Variants in NCAN observed in about 807,000 individuals in gnomAD.
NCAN encodes neurocan.
In NCAN, 47 loss-of-function variants were observed where a neutral mutation model predicts 121.8. The observed-to-expected ratio is 0.39, with a 90% CI of 0.31 to 0.49. NCAN has a LOEUF of 0.49. Among genes scored for constraint, NCAN ranks in the 20% least tolerant of loss-of-function variants. The pLI is 0.92. For missense variants in NCAN, 1,517 were observed against 1,773.4 expected, an observed-to-expected ratio of 0.86 and a Z score of 2.60; for synonymous variants, 633 against 702.0, an observed-to-expected ratio of 0.90 and a Z score of 1.55.
intron 3 of NCAN, among the ~76,000 whole-genome samples, chr19:19,220,041 G>A (rs1466267387): frequency 6.6e-6 from 1 of 151,996 alleles, no homozygotes; most frequent in Non-Finnish European, 1.5e-5. Context: ...GAAAAAAAAC[G>A]TCTGTATCAG....
Position 19,224,119 on chromosome 19 carries a change from CCTCGGCAT to C in NCAN, c.577_584del (p.Arg193ThrfsTer5). The C allele has an allele frequency of 6.2e-7, 1 of 1,609,672 alleles. No individual in the cohort carries two copies. The highest frequency in any genetic ancestry group is 8.5e-7 in the Non-Finnish European group (1 of 1,176,538). On this transcript the variant is annotated frameshift_variant, in exon 4 of 15. Coordinates refer to ENST00000252575, the MANE Select transcript of NCAN (RefSeq NM_004386.3). LOFTEE classifies it high-confidence loss of function. ...TCTCAGCTCAGCCATCATTGCAGCC[CCTCGGCAT>C]CTACAGGCTGCCTTTGAGGATGGCT...
chr19:19,224,713 C>T (rs922556635), intron 5 of NCAN, among the ~76,000 whole-genome samples: 4 of 151,826 alleles, frequency 2.6e-5, no homozygotes, highest in African/African-American at 9.7e-5. Flanking sequence ...CTCTGTGAGC[C>T]CCCTTCACCG....
At position 19,227,563 on chromosome 19, in the gene NCAN, C is replaced by T. The variant is rs1242023400; in HGVS notation, c.1943C>T (p.Thr648Ile). 3.1e-6 allele frequency: 5 copies of T among 1,613,920 alleles called. No individual in the cohort carries two copies. The highest frequency in any genetic ancestry group is 3.4e-6 in the Non-Finnish European group (4 of 1,180,010). The stretch of plus-strand genomic sequence containing the variant: ...AAAGAGTGGATGCTACCACACCCCA[C>T]CCCCATCTCCACCGAGGCCAATAGA... ...GPKEWMLPHP[T>I]PISTEANRVE... The change falls in exon 8 of 15, where the codon ACC becomes ATC. Residue 648 changes from threonine to isoleucine, a missense_variant. Transcript: ENST00000252575. The surrounding 1 kb of genome is among the most constrained non-coding windows in gnomAD (Gnocchi z 4.2).
intron 3 of NCAN, among the ~76,000 whole-genome samples, 198 bp downstream of exon 3, chr19:19,219,514 G>A (rs1450253893): frequency 2.0e-5 from 3 of 151,936 alleles, no homozygotes; most frequent in African/African-American, 7.3e-5. Flanking sequence ...GGGTAACATG[G>A]TGAAACCTCG....
chr19:19,226,891 A>C lies in NCAN; in HGVS notation c.1478A>C (p.Gln493Pro), dbSNP rs767333435. ...GGGTTGAATGGGCGCTACTTCCAGC[A>C]GCAGGAACCGGAGCCGGGGCTGCAA... ...FKGLNGRYFQQQEPEPGLQGG... is the reference protein window; with the variant it reads ...FKGLNGRYFQPQEPEPGLQGG... The change falls in exon 7 of 15, where the codon CAG becomes CCG. Residue 493 changes from glutamine to proline, a missense_variant. Coordinates refer to ENST00000252575, the MANE Select transcript of NCAN (RefSeq NM_004386.3). 1.2e-6 allele frequency: 2 copies of C among 1,610,126 alleles called. No homozygotes were observed. The highest frequency in any genetic ancestry group is 1.7e-6 in the Non-Finnish European group (2 of 1,177,938).
At chr19:19,249,450 C>T (rs548880788) in intron 14 of NCAN, among the ~76,000 whole-genome samples, 94 of 152,258 alleles carry the variant, frequency 6.2e-4, no homozygotes, top group African/African-American at 2.1e-3. Context: ...TCACTATAGC[C>T]TCATCCTCCC....
Position 19,238,316 on chromosome 19 carries a change from A to T in NCAN, c.3314A>T (p.His1105Leu), listed in dbSNP as rs749218382. 6.2e-7 allele frequency: 1 copy of T among 1,614,142 alleles called. No homozygotes were observed. Among genetic ancestry groups the T allele is most frequent in the Non-Finnish European group, 8.5e-7 (1 of 1,180,020 alleles). Residue 1105 changes from histidine (H) to leucine (L), a missense_variant, in exon 11 of 15, where the codon CAC (histidine) becomes CTC (leucine). Physicochemically the swap from His to Leu is moderately conservative, Grantham distance 99. Transcript: ENST00000252575. Reference protein sequence around the residue: ...FQGHCYRYFAHRRAWEDAEKD... With the variant: ...FQGHCYRYFALRRAWEDAEKD... ...GGCCACTGTTACCGCTATTTTGCCC[A>T]CCGGAGGGCATGGGAAGATGCCGAG...
rs555204485 is a variant in NCAN at position 19,216,783 on chromosome 19, G to A, written c.-7-164G>A. Among the ~76,000 whole-genome samples the A allele has an allele frequency of 2.0e-5, 3 of 152,342 alleles. No individual in the cohort carries two copies. The South Asian group carries it at 6.2e-4, about 32-fold the overall frequency. On this transcript the variant is annotated intron_variant, in intron 1 of 14. Coordinates refer to ENST00000252575, the MANE Select transcript of NCAN (RefSeq NM_004386.3). ...CAAGTGGCCCTGGGTTCGAATTCTGGCTCAGCCCTTTGCTGGCTCCTTCTG... is the reference window on the plus strand; with the variant it reads ...CAAGTGGCCCTGGGTTCGAATTCTGACTCAGCCCTTTGCTGGCTCCTTCTG...
At chr19:19,228,824 C>T (rs749323370) in intron 8 of NCAN, among the ~76,000 whole-genome samples, 185 bp downstream of exon 8, 28 of 152,188 alleles carry the variant, frequency 1.8e-4, no homozygotes, top group South Asian at 4.1e-4. Flanking sequence ...ACATTCCTGG[C>T]AGAGGAACGA....
intron 3 of NCAN, among the ~76,000 whole-genome samples, chr19:19,222,379 A>G (rs1455506182): frequency 5.3e-5 from 8 of 152,126 alleles, no homozygotes; most frequent in African/African-American, 1.9e-4. Context: ...CGTGGGTTCA[A>G]GCGATTCTCC....
At chr19:19,229,574 C>T (rs758322588) in intron 8 of NCAN, among the ~76,000 whole-genome samples, 2 of 152,136 alleles carry the variant, frequency 1.3e-5, no homozygotes, top group Non-Finnish European at 2.9e-5. Context: ...GGAGGTAAAA[C>T]GCCGCTTGGC....
At chr19:19,220,435 C>G (rs983666468) in intron 3 of NCAN, among the ~76,000 whole-genome samples, 1 of 146,044 alleles carries the variant, frequency 6.8e-6, no homozygotes, top group Non-Finnish European at 1.5e-5. Context: ...TTCTCAAATA[C>G]CTGTTTAGGC....
In NCAN at chr19:19,228,410, T is replaced by C. The variant is rs1391287186; in HGVS notation, c.2790T>C (p.Pro930=). The C allele has an allele frequency of 5.0e-6, 8 of 1,613,514 alleles. No homozygotes were observed. Among genetic ancestry groups the C allele is most frequent in the Non-Finnish European group, 6.8e-6 (8 of 1,180,014 alleles). The change falls in exon 8 of 15, where the codon CCT becomes CCC. Residue 930 remains proline (P), a synonymous_variant. Transcript: ENST00000252575. Reference sequence around the variant, plus strand: ...CCCTAGGGAAACCGGCTGTTCCTCCTGGGACACCGACTGCAGCCAGTGTGG... The same window carrying C: ...CCCTAGGGAAACCGGCTGTTCCTCCCGGGACACCGACTGCAGCCAGTGTGG... ...SSPLGKPAVP[P]GTPTAASVGE...
intron 12 of NCAN, among the ~76,000 whole-genome samples, chr19:19,244,125 T>G (rs2060914978): frequency 6.6e-6 from 1 of 152,148 alleles, no homozygotes; most frequent in African/African-American, 2.4e-5. Flanking sequence ...ATTCACTTCC[T>G]TTTCTCTGAT....
Position 19,221,185 on chromosome 19 carries a change from G to A in NCAN, c.475+1869G>A, listed in dbSNP as rs150023814. Among the ~76,000 whole-genome samples, 699 of 151,832 alleles carry A rather than the reference G, an allele frequency of 4.6e-3. 3 individuals carry two copies. The highest frequency in any genetic ancestry group is 0.016 in the African/African-American group (664 of 41,370). On this transcript the variant is annotated intron_variant, in intron 3 of 14. Transcript: ENST00000252575. ...AGTCCCAAGAGATCGAGGCTGCAGCGAGCCTTGATCATGCCACTGCACTCC... is the reference window on the plus strand; with the variant it reads ...AGTCCCAAGAGATCGAGGCTGCAGCAAGCCTTGATCATGCCACTGCACTCC...
intron 13 of NCAN, 50 bp downstream of exon 13, chr19:19,245,507 G>A: frequency 6.3e-7 from 1 of 1,590,060 alleles, no homozygotes; most frequent in Non-Finnish European, 8.6e-7. Flanking sequence ...TTGCTCACTG[G>A]TTCTCTGTTG....
Position 19,247,348 on chromosome 19 carries a change from G to T in NCAN, c.3638-1352G>T, listed in dbSNP as rs545705974. ...GGCTCACTACAAGCTCCGCCTCCCG[G>T]GTTCACGCCATTCTCCTGCCTTGGC... On this transcript the variant is annotated intron_variant, in intron 13 of 14. Transcript: ENST00000252575. Among the ~76,000 whole-genome samples, 235 of 152,230 alleles carry T rather than the reference G, an allele frequency of 1.5e-3. 2 individuals carry two copies. Among genetic ancestry groups the T allele is most frequent in the African/African-American group, 5.5e-3 (230 of 41,524 alleles).
chr19:19,218,841 A>G, intron 2 of NCAN, 74 bp from the exon 3 acceptor site: 1 of 1,368,564 alleles, frequency 7.3e-7, no homozygotes, highest in South Asian at 2.1e-5. Flanking sequence ...AAAATTTTTT[A>G]AAAGAGGGAA....
Position 19,243,147 on chromosome 19 carries a change from C to T in NCAN, c.3493-2166C>T, listed in dbSNP as rs559045417. 1.1e-4 allele frequency among the ~76,000 whole-genome samples: 16 copies of T among 151,438 alleles called. No homozygotes were observed. The East Asian group carries it at 3.1e-3, about 29-fold the overall frequency. On this transcript the variant is annotated intron_variant, in intron 12 of 14. Coordinates refer to ENST00000252575, the MANE Select transcript of NCAN (RefSeq NM_004386.3). ...GAGACAGGAAGTAGATTAGTGTTTG[C>T]CAGGGGCTGGGGTCGGGAGAAGGGG...
Sources: allele counts gnomAD v4.1 joint callset (sites outside exome capture counted in the v4.1 genomes callset), GRCh38; gene constraint gnomAD v4.1.1; non-coding constraint Gnocchi (gnomAD v3.1); transcripts MANE v1.5; gene names NCBI Gene and HGNC (gene_info 2026-07-23, HGNC 2026-07-21).